The following POLR3H variants were observed in gnomAD, a reference collection of about 807,000 sequenced individuals.
POLR3H encodes DNA-directed RNA polymerase III subunit RPC8.
A neutral mutation model predicts 25.5 loss-of-function variants in POLR3H; 17 were observed. That is an observed-to-expected ratio of 0.67 (90% CI 0.46 to 1.00). The LOEUF (loss-of-function observed/expected upper bound fraction) is 1.00, where lower values mean the gene tolerates loss of function less well. POLR3H is among the 50% of genes least tolerant of loss of function. The probability of loss-of-function intolerance (pLI) is 0.00; values close to 1 mark genes in which losing one functional copy is unlikely to be tolerated. For synonymous variants in POLR3H, 129 were observed against 103.0 expected, an observed-to-expected ratio of 1.25 and a Z score of -1.53; for missense variants, 274 against 265.0, an observed-to-expected ratio of 1.03 and a Z score of -0.24.
chr22:41,536,324 G>A (rs188255905), intron 2 of POLR3H, among the ~76,000 whole-genome samples: 8 of 151,758 alleles, frequency 5.3e-5, no homozygotes, highest in East Asian at 2.0e-4. Context: ...GAACCCGGGC[G>A]GCGGAGCTTG....
chr22:41,527,140 C>T lies in POLR3H; in HGVS notation c.*2143G>A. ...CACGCAGGCTTCACTTGCCCTTAGG[C>T]AGCAGGCGAGGAAGGGCCCCTCCAG... On this transcript the variant is annotated 3_prime_UTR_variant, in exon 6 of 6. Coordinates refer to ENST00000355209, the MANE Select transcript of POLR3H (RefSeq NM_001018050.4). 8.5e-7 allele frequency: 1 copy of T among 1,182,870 alleles called. No individual in the cohort carries two copies. 73.3% of individuals were successfully genotyped at this position (1,182,870 alleles called of 1,614,324 possible).
At position 41,544,027 on chromosome 22, in the gene POLR3H, G is replaced by T. The variant is rs1449200341; in HGVS notation, c.75C>A (p.Ser25=). The T allele has an allele frequency of 1.9e-6, 3 of 1,613,828 alleles. No homozygotes were observed. The highest frequency in any genetic ancestry group is 1.7e-6 in the Non-Finnish European group (2 of 1,179,714). ...PWQFERKLND[S]IAEELNKKLA... ...ACTTCTTGTTCAGCTCCTCGGCAAT[G>T]GAGTCGTTGAGCTTCCTCTCAAACT... is the stretch of plus-strand genomic sequence containing the variant. Residue 25 remains serine, a synonymous_variant, in exon 1 of 6, where the codon TCC becomes TCA. Coordinates refer to ENST00000355209, the MANE Select transcript of POLR3H (RefSeq NM_001018050.4).
At chr22:41,532,210 A>G in intron 3 of POLR3H, 53 bp from the exon 4 acceptor site, 5 of 1,547,852 alleles carry the variant, frequency 3.2e-6, no homozygotes, top group Non-Finnish European at 4.5e-6. Flanking sequence ...AGTGGACGCC[A>G]AACACTGCGG....
chr22:41,542,816 A>G (rs1309559164), intron 1 of POLR3H, among the ~76,000 whole-genome samples: 1 of 152,130 alleles, frequency 6.6e-6, no homozygotes, highest in African/African-American at 2.4e-5. Context: ...CAGCCTGGCC[A>G]ACATGGTGAA....
intron 5 of POLR3H, 47 bp downstream of exon 5, chr22:41,530,640 C>T (rs771377664): frequency 2.8e-5 from 43 of 1,538,954 alleles, no homozygotes; most frequent in South Asian, 2.5e-4. Context: ...CCCTGCACTC[C>T]GGCTCTCCCG....
chr22:41,526,578 C>A lies in POLR3H; in HGVS notation c.*2705G>T. ...GGCCGACCAAGCCCAAAGGGGACTG[C>A]TGTGGAAGGGAGGAGAGGCCTGCAG... is the stretch of plus-strand genomic sequence containing the variant. On this transcript the variant is annotated 3_prime_UTR_variant, in exon 6 of 6. Coordinates refer to ENST00000355209, the MANE Select transcript of POLR3H (RefSeq NM_001018050.4). 1.8e-6 allele frequency: 2 copies of A among 1,106,916 alleles called. No homozygotes were observed. The highest frequency in any genetic ancestry group is 2.6e-5 in the East Asian group (1 of 38,516). 68.6% of individuals were successfully genotyped at this position (1,106,916 alleles called of 1,614,324 possible).
intron 2 of POLR3H, chr22:41,540,491 C>G (rs2066911370): frequency 1.6e-6 from 1 of 626,126 alleles, no homozygotes; most frequent in Non-Finnish European, 2.9e-6. Flanking sequence ...TGACTTTAGC[C>G]TTTTAAAATT....
chr22:41,529,557 G>A (rs530383901), intron 5 of POLR3H: 59 of 677,890 alleles, frequency 8.7e-5, no homozygotes, highest in African/African-American at 3.7e-4. Context: ...GGCCCTGATA[G>A]GGTCAGGGAC....
Position 41,532,708 on chromosome 22 carries a change from A to T in POLR3H, c.246T>A (p.Asp82Glu). ...FRCVVFHPFL[D>E]EILIGKIKGC... ...CTTTGATCTTCCCAATGAGAATCTCATCTAGGAATGGATGAAACACCACGC... is the reference window on the plus strand; with the variant it reads ...CTTTGATCTTCCCAATGAGAATCTCTTCTAGGAATGGATGAAACACCACGC... The change falls in exon 3 of 6, where the codon GAT becomes GAA. Residue 82 changes from aspartate to glutamate, a missense_variant. Coordinates refer to ENST00000355209, the MANE Select transcript of POLR3H (RefSeq NM_001018050.4). 6.2e-7 allele frequency: 1 copy of T among 1,613,966 alleles called. No homozygotes were observed.
intron 1 of POLR3H, 74 bp downstream of exon 1, chr22:41,543,917 G>T: frequency 9.4e-7 from 1 of 1,059,076 alleles, no homozygotes; most frequent in Non-Finnish European, 1.5e-6. Context: ...GCATGACCGA[G>T]GCCGGGCCTG....
At chr22:41,533,395 C>T in intron 2 of POLR3H, 1 of 680,224 alleles carries the variant, frequency 1.5e-6, no homozygotes, top group Non-Finnish European at 2.0e-6. Flanking sequence ...TGAGAATCAG[C>T]ACGCGGCTGC....
In POLR3H at chr22:41,540,804, A is replaced by G; in HGVS notation, c.112-9T>C. ...CCCACGTTGTACACGACCTGCATGCATACAAACACAGACACACAAGTACAC... is the reference window on the plus strand; with the variant it reads ...CCCACGTTGTACACGACCTGCATGCGTACAAACACAGACACACAAGTACAC... On this transcript the variant is annotated splice_polypyrimidine_tract_variant and intron_variant, in intron 1 of 5. Coordinates refer to ENST00000355209, the MANE Select transcript of POLR3H (RefSeq NM_001018050.4). The G allele has an allele frequency of 6.2e-7, 1 of 1,606,650 alleles. No homozygotes were observed. Among genetic ancestry groups the G allele is most frequent in the Non-Finnish European group, 8.5e-7 (1 of 1,173,264 alleles).
chr22:41,528,429 A>G lies in POLR3H; in HGVS notation c.*854T>C. ...TCTCCCTGACCCCCCTGCGGGGCCAAGGGCACACAGTACCCACCACTTCCA... is the reference window on the plus strand; with the variant it reads ...TCTCCCTGACCCCCCTGCGGGGCCAGGGGCACACAGTACCCACCACTTCCA... On this transcript the variant is annotated 3_prime_UTR_variant, in exon 6 of 6. Coordinates refer to ENST00000355209, the MANE Select transcript of POLR3H (RefSeq NM_001018050.4). 6.3e-7 allele frequency: 1 copy of G among 1,597,636 alleles called. No homozygotes were observed. The highest frequency in any genetic ancestry group is 8.5e-7 in the Non-Finnish European group (1 of 1,172,812).
At chr22:41,529,809 G>A (rs890558163) in intron 5 of POLR3H, 9 of 416,216 alleles carry the variant, frequency 2.2e-5, no homozygotes, top group Admixed American at 1.4e-4. Context: ...GGGCTGGAGT[G>A]GAGTGGCACG....
At chr22:41,543,394 G>A (rs891420598) in intron 1 of POLR3H, among the ~76,000 whole-genome samples, 3 of 152,128 alleles carry the variant, frequency 2.0e-5, no homozygotes, top group African/African-American at 4.8e-5. Flanking sequence ...TTGGGAGGCC[G>A]AGGCGGGGGG....
At chr22:41,536,934 G>A (rs1373399241) in intron 2 of POLR3H, among the ~76,000 whole-genome samples, 2 of 149,890 alleles carry the variant, frequency 1.3e-5, no homozygotes, top group Admixed American at 6.7e-5. Flanking sequence ...AACTCTAGCT[G>A]AGGAGGCTGC....
rs2066598205 is a variant in POLR3H at position 41,526,444 on chromosome 22, C to T, written c.*2839G>A. 1 of 1,612,256 alleles carries T rather than the reference C, an allele frequency of 6.2e-7. No individual in the cohort carries two copies. Among genetic ancestry groups the T allele is most frequent in the African/African-American group, 1.3e-5 (1 of 74,932 alleles). On this transcript the variant is annotated 3_prime_UTR_variant, in exon 6 of 6. Coordinates refer to ENST00000355209, the MANE Select transcript of POLR3H (RefSeq NM_001018050.4). ...TTGGCCCCGTCCCTGACACTGCCCGCTACTACAAGGTGGGTCAGAGTTGAT... is the reference window on the plus strand; with the variant it reads ...TTGGCCCCGTCCCTGACACTGCCCGTTACTACAAGGTGGGTCAGAGTTGAT...
rs964952899 is a variant in POLR3H, at chr22:41,527,772, T to C, written c.*1511A>G. ...TGAAAGGGAGCAGACCAGGGCCCCA[T>C]AGTCACTGCCCGGGCATTGTCCCAG... On this transcript the variant is annotated 3_prime_UTR_variant, in exon 6 of 6. Coordinates refer to ENST00000355209, the MANE Select transcript of POLR3H (RefSeq NM_001018050.4). 22 of 1,482,200 alleles carry C rather than the reference T, an allele frequency of 1.5e-5. No homozygotes were observed. In the African/African-American group the frequency reaches 1.9e-4, roughly 13 times the overall value. 91.8% of individuals were successfully genotyped at this position (1,482,200 alleles called of 1,614,324 possible). A position where few individuals can be genotyped will look rare whatever the true frequency, so the allele number is the denominator to read the frequency against.
Position 41,527,722 on chromosome 22 carries a change from G to T in POLR3H, c.*1561C>A. The T allele has an allele frequency of 9.9e-7, 1 of 1,009,620 alleles. No homozygotes were observed. Among genetic ancestry groups the T allele is most frequent in the Non-Finnish European group, 1.4e-6 (1 of 699,788 alleles). 62.5% of individuals were successfully genotyped at this position (1,009,620 alleles called of 1,614,324 possible). A position where few individuals can be genotyped will look rare whatever the true frequency, so the allele number is the denominator to read the frequency against. The stretch of plus-strand genomic sequence containing the variant: ...AGGCCTCGCAGACCTCAGCACCAGC[G>T]CACACTTGCTAGGGGCACCCCTAGT... On this transcript the variant is annotated 3_prime_UTR_variant, in exon 6 of 6. Transcript: ENST00000355209.
Sources: gnomAD v4.1 joint callset for allele counts (sites outside exome capture counted in the v4.1 genomes callset) on GRCh38, gnomAD v4.1.1 for gene constraint, MANE v1.5 for transcripts, NCBI Gene and HGNC (gene_info 2026-07-23, HGNC 2026-07-21) for gene names.